The following SLC25A13 variants were observed in gnomAD, a reference collection of about 807,000 sequenced individuals.
SLC25A13 encodes the protein solute carrier family 25 member 13, also known as electrogenic aspartate/glutamate antiporter SLC25A13, mitochondrial.
In SLC25A13, 70 loss-of-function variants were observed where a neutral mutation model predicts 85.5. The observed-to-expected ratio is 0.82, with a 90% CI of 0.68 to 1.00. The LOEUF is 1.00. Ranked by LOEUF, SLC25A13 falls within the 50% of genes least tolerant of loss-of-function variation. The pLI, the probability that SLC25A13 is intolerant of heterozygous loss-of-function variation, is 0.00. For synonymous variants in SLC25A13, 259 were observed against 288.7 expected (o/e 0.90, Z 1.04); for missense variants, 765 against 819.8 (o/e 0.93, Z 0.82).
At chr7:96,184,100 T>C (rs996121278) in intron 11 of SLC25A13, among the ~76,000 whole-genome samples, 177 bp downstream of exon 11, 3 of 152,238 alleles carry the variant, frequency 2.0e-5, no homozygotes, top group African/African-American at 4.8e-5. Context: ...GATTATGGGC[T>C]GTTTTGATTA....
chr7:96,277,135 G>A (rs961702061), intron 3 of SLC25A13, 61 bp downstream of exon 3: 6 of 1,496,438 alleles, frequency 4.0e-6, no homozygotes, highest in Non-Finnish European at 5.4e-6. Context: ...CTGGTCATTA[G>A]AGCAAAAGAA....
intron 14 of SLC25A13, among the ~76,000 whole-genome samples, chr7:96,142,830 A>G (rs1269490049): frequency 6.6e-6 from 1 of 152,246 alleles, no homozygotes; most frequent in Non-Finnish European, 1.5e-5. Flanking sequence ...ATAAGAATGT[A>G]CTGATATATC....
Position 96,253,378 on chromosome 7 carries a change from A to T in SLC25A13, c.213-18461T>A, listed in dbSNP as rs370375202. Reference sequence around the variant, plus strand: ...AAATTGAGAAGGGAAAGCTAACTAAACTTCCCTGGAGTTTATTTCACTGGG... The same window carrying T: ...AAATTGAGAAGGGAAAGCTAACTAATCTTCCCTGGAGTTTATTTCACTGGG... On this transcript the variant is annotated intron_variant, in intron 3 of 17. Coordinates refer to ENST00000265631, the MANE Select transcript of SLC25A13 (RefSeq NM_014251.3). Among the ~76,000 whole-genome samples, 7 of 152,070 alleles carry T rather than the reference A, an allele frequency of 4.6e-5. No homozygotes were observed. The East Asian group carries it at 1.4e-3, about 29-fold the overall frequency.
intron 14 of SLC25A13, among the ~76,000 whole-genome samples, chr7:96,135,333 C>A (rs564596296): frequency 2.6e-4 from 40 of 152,276 alleles, no homozygotes; most frequent in African/African-American, 8.9e-4. Context: ...CTCTCTTGCA[C>A]CCCAGGCATC....
chr7:96,287,524 C>T (rs1021820392), intron 2 of SLC25A13, among the ~76,000 whole-genome samples: 4 of 152,224 alleles, frequency 2.6e-5, no homozygotes, highest in Non-Finnish European at 4.4e-5. Context: ...CTCTCTAGGT[C>T]TACCTGATCA....
At chr7:96,121,630 G>A (rs1040986241) in intron 17 of SLC25A13, 25 bp downstream of exon 17, 3 of 1,611,234 alleles carry the variant, frequency 1.9e-6, no homozygotes, top group African/African-American at 1.3e-5. Context: ...CCAAAATTTA[G>A]CAGCAGATTT....
chr7:96,186,077 CATAA>C (rs771353117), intron 9 of SLC25A13, among the ~76,000 whole-genome samples: 2 of 152,018 alleles, frequency 1.3e-5, no homozygotes, highest in Non-Finnish European at 1.5e-5. Flanking sequence ...TTAAAGCAAG[CATAA>C]ATAGAGAGAT....
At chr7:96,164,406 G>A (rs570202112) in intron 13 of SLC25A13, among the ~76,000 whole-genome samples, 6 of 152,226 alleles carry the variant, frequency 3.9e-5, no homozygotes, top group South Asian at 2.1e-4. Context: ...CAGAAACCAC[G>A]GAAAGGAGGC....
At chr7:96,214,270 A>T (rs952392355) in intron 4 of SLC25A13, among the ~76,000 whole-genome samples, 2 of 152,204 alleles carry the variant, frequency 1.3e-5, no homozygotes, top group African/African-American at 4.8e-5. Context: ...GAGACCTTTA[A>T]AAGTTGGGTC....
intron 11 of SLC25A13, among the ~76,000 whole-genome samples, chr7:96,171,932 C>T (rs563249448): frequency 3.3e-5 from 5 of 152,168 alleles, no homozygotes; most frequent in African/African-American, 9.6e-5. Flanking sequence ...TCATCATTTT[C>T]ATTTGTTCTT....
chr7:96,161,945 C>A (rs527514891), intron 13 of SLC25A13, among the ~76,000 whole-genome samples: 1 of 152,120 alleles, frequency 6.6e-6, no homozygotes, highest in Non-Finnish European at 1.5e-5. Flanking sequence ...AAAAAATTAA[C>A]ATTATTGCTA....
At chr7:96,215,584 T>C (rs10156143) in intron 4 of SLC25A13, among the ~76,000 whole-genome samples, 52,228 of 151,878 alleles carry the variant, frequency 0.34, 9,454 homozygotes, top group East Asian at 0.59. Flanking sequence ...AATATCCATA[T>C]GCAAAATAAT....
chr7:96,239,043 A>ATATATATATATATGTATG (rs1796861446), intron 3 of SLC25A13, among the ~76,000 whole-genome samples: 1 of 10,938 alleles, frequency 9.1e-5, no homozygotes, highest in African/African-American at 2.8e-4. Flanking sequence ...TATTTTATAT[A>ATATATATATATATGTATG]TATATATATA....
chr7:96,120,421 T>G lies in SLC25A13; in HGVS notation c.*770A>C, dbSNP rs1372817328. ...GCAGCAACAGGGCAACATGCATTTT[T>G]CAAGAGTGTTTATTAAAATAGGCAG... On this transcript the variant is annotated 3_prime_UTR_variant, in exon 18 of 18. Transcript: ENST00000265631. 3 of 454,180 alleles carry G rather than the reference T, an allele frequency of 6.6e-6. No individual in the cohort carries two copies. Among genetic ancestry groups the G allele is most frequent in the Non-Finnish European group, 1.3e-5 (3 of 226,808 alleles). 28.1% of individuals were successfully genotyped at this position (454,180 alleles called of 1,614,324 possible). A position where few individuals can be genotyped will look rare whatever the true frequency, so the allele number is the denominator to read the frequency against.
At chr7:96,133,220 T>C (rs1375823689) in intron 14 of SLC25A13, among the ~76,000 whole-genome samples, 2 of 152,220 alleles carry the variant, frequency 1.3e-5, no homozygotes, top group Admixed American at 6.5e-5. Flanking sequence ...TCACTCTGTG[T>C]ATACAGGTAT....
intron 13 of SLC25A13, among the ~76,000 whole-genome samples, chr7:96,160,741 A>G (rs1297627896): frequency 2.0e-5 from 3 of 152,242 alleles, no homozygotes; most frequent in South Asian, 2.1e-4. Flanking sequence ...TAAACATTCA[A>G]TCTATAGCAC....
chr7:96,273,475 TGCAATAATA>T (rs1053536384), intron 3 of SLC25A13, among the ~76,000 whole-genome samples: 6 of 152,156 alleles, frequency 3.9e-5, no homozygotes, highest in African/African-American at 1.4e-4. Flanking sequence ...TTCTCCTAAG[TGCAATAATA>T]GCATGGGGGG....
intron 11 of SLC25A13, among the ~76,000 whole-genome samples, chr7:96,178,230 G>A (rs952525723): frequency 3.3e-5 from 5 of 152,172 alleles, no homozygotes; most frequent in African/African-American, 9.7e-5. Context: ...TTGAAGCCAC[G>A]CTGAGCGGCT....
At chr7:96,166,665 T>C (rs192180733) in intron 13 of SLC25A13, among the ~76,000 whole-genome samples, 28 of 152,324 alleles carry the variant, frequency 1.8e-4, no homozygotes, top group Admixed American at 6.5e-4. Context: ...CATATTGCAT[T>C]ACATACATTA....
Sources: allele counts gnomAD v4.1 joint callset (sites outside exome capture counted in the v4.1 genomes callset), GRCh38; gene constraint gnomAD v4.1.1; transcripts MANE v1.5; gene names NCBI Gene and HGNC (gene_info 2026-07-23, HGNC 2026-07-21).